SPAG17: variants seen among roughly 807,000 people sequenced by gnomAD.
SPAG17 encodes the protein sperm-associated antigen 17.
SPAG17 carries 169 observed loss-of-function variants against 273.6 expected under a neutral mutation model. The ratio of observed to expected loss-of-function variants is 0.62; its 90% CI spans 0.55 to 0.70. SPAG17 has a LOEUF of 0.70. SPAG17 is among the 30% of genes least tolerant of loss of function. The pLI is 0.00. For missense variants in SPAG17, 2,557 were observed against 2,627.8 expected (o/e 0.97, Z 0.59); for synonymous variants, 825 against 873.2 (o/e 0.94, Z 0.97).
chr1:118,096,429 G>A (rs1655709270), intron 7 of SPAG17, among the ~76,000 whole-genome samples: 1 of 151,028 alleles, frequency 6.6e-6, no homozygotes, highest in Non-Finnish European at 1.5e-5. Flanking sequence ...ACTTTGCCCA[G>A]CCTTTTTCAG....
chr1:118,004,014 T>G (rs185393846), intron 32 of SPAG17, among the ~76,000 whole-genome samples: 265 of 152,178 alleles, frequency 1.7e-3, no homozygotes, highest in African/African-American at 6.1e-3. Context: ...ATGTCCTTTT[T>G]GTTGATGCTG....
At chr1:118,066,412 T>C (rs1652974283) in intron 18 of SPAG17, among the ~76,000 whole-genome samples, 1 of 152,190 alleles carries the variant, frequency 6.6e-6, no homozygotes, top group African/African-American at 2.4e-5. Flanking sequence ...ATGCAGAATG[T>C]CATGTTTTAT....
At chr1:118,157,034 T>G (rs569213908) in intron 1 of SPAG17, among the ~76,000 whole-genome samples, 2 of 152,190 alleles carry the variant, frequency 1.3e-5, no homozygotes, top group Non-Finnish European at 2.9e-5. Flanking sequence ...CGATTGCTCA[T>G]GGCTCTTCCC....
Position 118,016,176 on chromosome 1 carries a change from C to CT in SPAG17, c.4075dup (p.Ser1359LysfsTer11), listed in dbSNP as rs748378452. 1 of 1,612,200 alleles carries CT rather than the reference C, an allele frequency of 6.2e-7. No homozygotes were observed. The highest frequency in any genetic ancestry group is 1.1e-5 in the South Asian group (1 of 90,908). On this transcript the variant is annotated frameshift_variant, in exon 29 of 49. Transcript: ENST00000336338. LOFTEE classifies it high-confidence loss of function. Reference sequence around the variant, plus strand: ...GGCCATTGATGACTGACTTTTGTGACTTTTTCCTGTGAAGTTCAAGTAAAA... The same window carrying CT: ...GGCCATTGATGACTGACTTTTGTGACTTTTTTCCTGTGAAGTTCAAGTAAAA...
Position 118,091,603 on chromosome 1 carries a change from C to A in SPAG17, c.1359+3G>T. ...TATACAACCTGGGAAAAAGCCTCCC[C>A]ACCTGTTCCAGCATACAATGCAGTA... On this transcript the variant is annotated splice_donor_region_variant and intron_variant, in intron 10 of 48. Coordinates refer to ENST00000336338, the MANE Select transcript of SPAG17 (RefSeq NM_206996.4). 1 of 1,576,446 alleles carries A rather than the reference C, an allele frequency of 6.3e-7. No individual in the cohort carries two copies. Among genetic ancestry groups the A allele is most frequent in the South Asian group, 1.1e-5 (1 of 89,702 alleles).
At chr1:117,969,085 T>A (rs1274162040) in intron 46 of SPAG17, among the ~76,000 whole-genome samples, 1 of 152,232 alleles carries the variant, frequency 6.6e-6, no homozygotes, top group Non-Finnish European at 1.5e-5. Context: ...AATGTGACTT[T>A]ATTTAAGATG....
In SPAG17 at chr1:117,975,925, G is replaced by GT. The variant is rs1445143388; in HGVS notation, c.6005-2365dup. 2.0e-5 allele frequency among the ~76,000 whole-genome samples: 3 copies of GT among 152,128 alleles called. No homozygotes were observed. The East Asian group carries it at 5.8e-4, about 29-fold the overall frequency. On this transcript the variant is annotated intron_variant, in intron 43 of 48. Transcript: ENST00000336338. ...TTATTAATAGTAAATATGGTATGGA[G>GT]TTTATCATGAGCTGGACACTGTGCT...
chr1:118,058,729 G>A (rs1010946695), intron 18 of SPAG17, among the ~76,000 whole-genome samples: 7 of 152,092 alleles, frequency 4.6e-5, no homozygotes, highest in African/African-American at 1.7e-4. Context: ...CTAACCTAGT[G>A]AAATACAATA....
chr1:118,006,773 T>C (rs1658938056), intron 31 of SPAG17, among the ~76,000 whole-genome samples: 1 of 152,194 alleles, frequency 6.6e-6, no homozygotes, highest in South Asian at 2.1e-4. Flanking sequence ...TTGCTAACAC[T>C]TGTGATTATC....
At chr1:118,066,568 C>A (rs139070785) in intron 18 of SPAG17, among the ~76,000 whole-genome samples, 177 bp downstream of exon 18, 163 of 152,230 alleles carry the variant, frequency 1.1e-3, no homozygotes, top group African/African-American at 3.1e-3. Context: ...CATACAGTGC[C>A]CAGCACATGC....
intron 4 of SPAG17, among the ~76,000 whole-genome samples, chr1:118,107,033 G>C (rs116037857): frequency 2.5e-3 from 381 of 152,312 alleles, no homozygotes; most frequent in Non-Finnish European, 4.5e-3. Flanking sequence ...CTAAATTCTA[G>C]TAGCAGAGTA....
intron 43 of SPAG17, among the ~76,000 whole-genome samples, chr1:117,979,264 C>G (rs1206255989): frequency 6.6e-6 from 1 of 152,256 alleles, no homozygotes; most frequent in East Asian, 1.9e-4. Context: ...AAGGCATAAA[C>G]CTATATCAGC....
chr1:118,031,726 T>C lies in SPAG17; in HGVS notation c.3575A>G (p.Lys1192Arg). The C allele has an allele frequency of 6.2e-7, 1 of 1,613,884 alleles. No homozygotes were observed. The highest frequency in any genetic ancestry group is 1.1e-5 in the South Asian group (1 of 91,074). ...KGKEKPKESL[K>R]EEEHPKEEEK... is the part of the protein sequence containing the mutation. The stretch of plus-strand genomic sequence containing the variant: ...TTCTTCTTTTGGGTGTTCTTCTTCT[T>C]TAAGGGATTCTTTGGGTTTTTCTTT... Residue 1192 changes from lysine (K) to arginine (R), a missense_variant, in exon 25 of 49, where the codon AAA (lysine) becomes AGA (arginine). By Grantham distance (26) the Lys-to-Arg change is conservative. Transcript: ENST00000336338.
intron 24 of SPAG17, among the ~76,000 whole-genome samples, chr1:118,032,090 G>C (rs909752673): frequency 6.6e-6 from 1 of 152,112 alleles, no homozygotes; most frequent in African/African-American, 2.4e-5. Context: ...ATGCCTCACT[G>C]AATCACTATT....
At chr1:118,071,901 A>T (rs184046395) in intron 17 of SPAG17, among the ~76,000 whole-genome samples, 1 of 152,238 alleles carries the variant, frequency 6.6e-6, no homozygotes, top group East Asian at 1.9e-4. Context: ...GAGAGGAGAG[A>T]TTATCAAAGA....
chr1:118,055,630 TA>T, intron 19 of SPAG17, 102 bp downstream of exon 19: 1 of 1,009,508 alleles, frequency 9.9e-7, no homozygotes, highest in African/African-American at 1.6e-5. Context: ...CTTTTTTGGG[TA>T]ATTCTTTTTA....
chr1:118,060,481 C>A (rs1652167538), intron 18 of SPAG17, among the ~76,000 whole-genome samples: 2 of 152,066 alleles, frequency 1.3e-5, no homozygotes, highest in African/African-American at 4.8e-5. Context: ...TAATGCATAT[C>A]CATTAATGAA....
intron 1 of SPAG17, among the ~76,000 whole-genome samples, chr1:118,162,178 T>C (rs995810758): frequency 1.3e-5 from 2 of 152,256 alleles, no homozygotes; most frequent in Non-Finnish European, 2.9e-5. Context: ...ACATGGAATC[T>C]ATTTATTGGA....
At chr1:118,147,393 G>A (rs1260937543) in intron 3 of SPAG17, among the ~76,000 whole-genome samples, 1 of 152,134 alleles carries the variant, frequency 6.6e-6, no homozygotes, top group South Asian at 2.1e-4. Context: ...GCCAGTGCAT[G>A]GGTTCATCTT....
Sources: allele counts gnomAD v4.1 joint callset (sites outside exome capture counted in the v4.1 genomes callset), GRCh38; gene constraint gnomAD v4.1.1; transcripts MANE v1.5; gene names NCBI Gene and HGNC (gene_info 2026-07-23, HGNC 2026-07-21).